CSTF3: variants seen among roughly 807,000 people sequenced by gnomAD.
CSTF3 encodes cleavage stimulation factor subunit 3.
CSTF3 carries 29 observed loss-of-function variants against 105.8 expected under a neutral mutation model. That is an observed-to-expected ratio of 0.27 (90% CI 0.20 to 0.37). CSTF3 has a LOEUF of 0.37. Ranked by LOEUF, CSTF3 falls within the 10% of genes least tolerant of loss-of-function variation. The probability of loss-of-function intolerance (pLI) is 1.00; values close to 1 mark genes in which losing one functional copy is unlikely to be tolerated. For missense variants in CSTF3, 357 were observed against 879.3 expected (o/e 0.41, Z 7.51); for synonymous variants, 252 against 281.9 (o/e 0.89, Z 1.06).
chr11:33,130,413 T>C (rs1045184935), intron 3 of CSTF3, among the ~76,000 whole-genome samples: 1 of 152,086 alleles, frequency 6.6e-6, no homozygotes, highest in Non-Finnish European at 1.5e-5. Context: ...GCAGAGGCTG[T>C]GGTGAGCCAA....
In CSTF3 at chr11:33,122,914, C is replaced by CAA. The variant is rs10600978; in HGVS notation, c.226-14498_226-14497dup. Reference sequence around the variant, plus strand: ...TTGGCAACACAGTGATATCCTGTCTCAAAAAAAAAAAAAAAAAAAAGAAAA... The same window carrying CAA: ...TTGGCAACACAGTGATATCCTGTCTCAAAAAAAAAAAAAAAAAAAAAAGAAAA... On this transcript the variant is annotated intron_variant, in intron 3 of 20. Transcript: ENST00000323959. Among the ~76,000 whole-genome samples the CAA allele has an allele frequency of 1.4e-3, 117 of 83,786 alleles. 1 individual carries two copies. Among genetic ancestry groups the CAA allele is most frequent in the African/African-American group, 5.8e-3 (109 of 18,660 alleles). 55.0% of individuals were successfully genotyped at this position (83,786 alleles called of 152,430 possible). A position where few individuals can be genotyped will look rare whatever the true frequency, so the allele number is the denominator to read the frequency against.
At chr11:33,110,568 A>T (rs1385073460) in intron 3 of CSTF3, among the ~76,000 whole-genome samples, 4 of 152,224 alleles carry the variant, frequency 2.6e-5, no homozygotes, top group African/African-American at 9.7e-5. Context: ...TGCAGTTGAG[A>T]TTATATACAG....
At chr11:33,108,092 C>G in intron 4 of CSTF3, 92 bp from the exon 5 acceptor site, 1 of 753,892 alleles carries the variant, frequency 1.3e-6, no homozygotes. Flanking sequence ...AAATTCAGCT[C>G]CCTTTATGAA....
intron 18 of CSTF3, 116 bp downstream of exon 18, chr11:33,086,872 C>A: frequency 8.6e-7 from 1 of 1,169,466 alleles, no homozygotes. Flanking sequence ...TCATAGTGAT[C>A]CTAAGTCTAA....
At chr11:33,109,269 C>T (rs1855356022) in intron 3 of CSTF3, among the ~76,000 whole-genome samples, 1 of 152,132 alleles carries the variant, frequency 6.6e-6, no homozygotes, top group African/African-American at 2.4e-5. Context: ...CTGTTTCACC[C>T]AGATAGGTAA....
intron 8 of CSTF3, among the ~76,000 whole-genome samples, chr11:33,104,704 G>A (rs1443624616): frequency 6.6e-6 from 1 of 152,266 alleles, no homozygotes; most frequent in East Asian, 1.9e-4. Flanking sequence ...AGTTGAGACT[G>A]CAATGAGCTG....
intron 9 of CSTF3, among the ~76,000 whole-genome samples, chr11:33,102,752 C>A (rs937921247): frequency 6.6e-6 from 1 of 152,130 alleles, no homozygotes; most frequent in African/African-American, 2.4e-5. Flanking sequence ...TGCACACAAT[C>A]AAAATGTGTC....
intron 14 of CSTF3, 31 bp from the exon 15 acceptor site, chr11:33,096,439 C>T: frequency 7.4e-7 from 1 of 1,355,438 alleles, no homozygotes; most frequent in Non-Finnish European, 1.0e-6. Context: ...GTACAGATTT[C>T]CATGAAATGT....
intron 1 of CSTF3, among the ~76,000 whole-genome samples, chr11:33,160,171 C>T (rs904026780): frequency 6.6e-6 from 1 of 151,858 alleles, no homozygotes; most frequent in Non-Finnish European, 1.5e-5. Flanking sequence ...CTTGGGCATG[C>T]TAACACTATG....
chr11:33,127,961 G>A (rs1855560370), intron 3 of CSTF3, among the ~76,000 whole-genome samples: 1 of 152,102 alleles, frequency 6.6e-6, no homozygotes, highest in Non-Finnish European at 1.5e-5. Context: ...TTATCCAAAA[G>A]GGGGGAAAAC....
rs1388626178 is a variant in CSTF3, at chr11:33,084,968, C to G, written c.*119G>C. On this transcript the variant is annotated 3_prime_UTR_variant, in exon 21 of 21. Coordinates refer to ENST00000323959, the MANE Select transcript of CSTF3 (RefSeq NM_001326.3). ...TCTCAAGAACCATGTGATAGAGGCA[C>G]CAATGACAATACAACTTTGTTTCCA... The G allele has an allele frequency of 1.9e-6, 2 of 1,054,276 alleles. No homozygotes were observed. Among genetic ancestry groups the G allele is most frequent in the Admixed American group, 2.0e-5 (1 of 49,638 alleles). The allele number at this position is 1,054,276 out of a possible 1,614,324, so 65.3% of individuals were successfully genotyped here.
chr11:33,086,170 T>TG (rs1487083252), intron 18 of CSTF3, among the ~76,000 whole-genome samples, 181 bp from the exon 19 acceptor site: 5 of 152,166 alleles, frequency 3.3e-5, no homozygotes, highest in African/African-American at 1.2e-4. Context: ...CCGTGGCCAC[T>TG]GGGAGGCAGA....
intron 1 of CSTF3, among the ~76,000 whole-genome samples, chr11:33,149,071 G>C (rs1407268620): frequency 6.6e-6 from 1 of 152,070 alleles, no homozygotes; most frequent in Non-Finnish European, 1.5e-5. Context: ...TGAGTGATGA[G>C]TGCTGCTGCT....
chr11:33,099,260 T>G lies in CSTF3; in HGVS notation c.937-110A>C. On this transcript the variant is annotated intron_variant, in intron 11 of 20. Transcript: ENST00000323959. The surrounding 1 kb of genome is among the most constrained non-coding windows in gnomAD (Gnocchi z 4.1). Reference sequence around the variant, plus strand: ...TTTTATTTATGTGTCTAAGAAAGCATACATGTATGTACACACATATATATG... The same window carrying G: ...TTTTATTTATGTGTCTAAGAAAGCAGACATGTATGTACACACATATATATG... 8.1e-7 allele frequency: 1 copy of G among 1,233,872 alleles called. No individual in the cohort carries two copies. 76.4% of individuals were successfully genotyped at this position (1,233,872 alleles called of 1,614,324 possible).
chr11:33,153,662 T>C (rs1312909497), intron 1 of CSTF3, among the ~76,000 whole-genome samples: 1 of 123,328 alleles, frequency 8.1e-6, no homozygotes, highest in Non-Finnish European at 1.7e-5. Flanking sequence ...ATAATAACAA[T>C]AATAATAATA....
chr11:33,136,105 AACTT>A lies in CSTF3; in HGVS notation c.225+5558_225+5561del, dbSNP rs1019637130. 65 of 152,584 alleles carry A rather than the reference AACTT, an allele frequency of 4.3e-4. 1 individual carries two copies. Among genetic ancestry groups the A allele is most frequent in the African/African-American group, 1.5e-3 (61 of 41,544 alleles). The allele number at this position is 152,584 out of a possible 1,614,324, so 9.5% of individuals were successfully genotyped here. On this transcript the variant is annotated intron_variant, in intron 3 of 20. Coordinates refer to ENST00000323959, the MANE Select transcript of CSTF3 (RefSeq NM_001326.3). Reference sequence around the variant, plus strand: ...GGAGGTCTAGCATACAAAATGGTAAAACTTACCCACATTATGCTTTCCTGAGTCT... The same window carrying A: ...GGAGGTCTAGCATACAAAATGGTAAAACCCACATTATGCTTTCCTGAGTCT...
chr11:33,145,974 G>A (rs948153127), intron 1 of CSTF3, among the ~76,000 whole-genome samples: 1 of 151,908 alleles, frequency 6.6e-6, no homozygotes, highest in Non-Finnish European at 1.5e-5. Flanking sequence ...CGATGGCTCA[G>A]GCCTGTAATC....
chr11:33,154,508 T>G (rs1404149772), intron 1 of CSTF3, among the ~76,000 whole-genome samples: 1 of 147,012 alleles, frequency 6.8e-6, no homozygotes, highest in African/African-American at 2.5e-5. Context: ...TTTTTTTTTT[T>G]TTTTTTGAGA....
intron 3 of CSTF3, among the ~76,000 whole-genome samples, chr11:33,124,789 G>A (rs1442176689): frequency 3.3e-5 from 5 of 152,108 alleles, no homozygotes; most frequent in Admixed American, 6.6e-5. Context: ...CATGACTCTG[G>A]GTACAGAACT....
Sources: gnomAD v4.1 joint callset for allele counts (sites outside exome capture counted in the v4.1 genomes callset) on GRCh38, gnomAD v4.1.1 for gene constraint, Gnocchi (gnomAD v3.1) non-coding constraint, MANE v1.5 for transcripts, NCBI Gene and HGNC (gene_info 2026-07-23, HGNC 2026-07-21) for gene names.